The following SPAG16 variants were observed in gnomAD, a reference collection of about 807,000 sequenced individuals.
The protein encoded by SPAG16 is sperm-associated antigen 16 protein.
A neutral mutation model predicts 80.4 loss-of-function variants in SPAG16; 86 were observed. That is an observed-to-expected ratio of 1.07 (90% CI 0.90 to 1.28). The LOEUF (loss-of-function observed/expected upper bound fraction) is 1.28, where lower values mean the gene tolerates loss of function less well. SPAG16 is among the 50% of genes most tolerant of loss of function. SPAG16 has a pLI of 0.00. For synonymous variants in SPAG16, 294 were observed against 265.9 expected (o/e 1.11, Z -1.03); for missense variants, 870 against 765.3 (o/e 1.14, Z -1.61).
chr2:213,664,540 G>A (rs1283678332), intron 10 of SPAG16, among the ~76,000 whole-genome samples: 3 of 152,058 alleles, frequency 2.0e-5, no homozygotes, highest in African/African-American at 7.2e-5. Context: ...CAAGCTCTCT[G>A]AGTTTAAACA....
At chr2:214,392,244 A>G (rs1318399465) in intron 15 of SPAG16, among the ~76,000 whole-genome samples, 1 of 151,896 alleles carries the variant, frequency 6.6e-6, no homozygotes, top group African/African-American at 2.4e-5. Context: ...GCTCACTACA[A>G]CCTCTGCCTC....
intron 13 of SPAG16, among the ~76,000 whole-genome samples, chr2:214,045,224 G>A (rs748516120): frequency 9.9e-5 from 15 of 152,252 alleles, no homozygotes; most frequent in Middle Eastern, 3.4e-3. Context: ...ATAGGGCACC[G>A]TAAGAGTTGT....
chr2:214,177,185 C>A (rs2057119940), intron 15 of SPAG16, among the ~76,000 whole-genome samples: 1 of 151,098 alleles, frequency 6.6e-6, no homozygotes, highest in Non-Finnish European at 1.5e-5. Flanking sequence ...CTATTAGACA[C>A]CTAGACCCTA....
At chr2:213,637,213 A>G (rs2062397455) in intron 10 of SPAG16, among the ~76,000 whole-genome samples, 3 of 152,146 alleles carry the variant, frequency 2.0e-5, no homozygotes, top group South Asian at 2.1e-4. Context: ...TGAGATAATC[A>G]TGTGATTTTT....
chr2:213,943,277 G>A (rs1264585796), intron 12 of SPAG16, among the ~76,000 whole-genome samples: 1 of 152,128 alleles, frequency 6.6e-6, no homozygotes, highest in Non-Finnish European at 1.5e-5. Flanking sequence ...GGTAGAGTCT[G>A]GAAAGATTTT....
intron 6 of SPAG16, among the ~76,000 whole-genome samples, chr2:213,349,265 T>G (rs1305453834): frequency 1.3e-5 from 2 of 152,158 alleles, no homozygotes; most frequent in South Asian, 2.1e-4. Flanking sequence ...GATGTCATCT[T>G]AGAAGCTTAA....
intron 15 of SPAG16, among the ~76,000 whole-genome samples, chr2:214,236,182 A>G (rs975335950): frequency 1.3e-5 from 2 of 152,194 alleles, no homozygotes; most frequent in African/African-American, 4.8e-5. Flanking sequence ...AGTACTTGTA[A>G]TTGAAGCTCA....
At chr2:213,430,105 A>G (rs1398642027) in intron 9 of SPAG16, among the ~76,000 whole-genome samples, 1 of 152,244 alleles carries the variant, frequency 6.6e-6, no homozygotes, top group African/African-American at 2.4e-5. Flanking sequence ...GAATCAATTC[A>G]GGATATAAAT....
At chr2:213,912,759 A>G (rs999678461) in intron 11 of SPAG16, among the ~76,000 whole-genome samples, 2 of 152,266 alleles carry the variant, frequency 1.3e-5, no homozygotes, top group Non-Finnish European at 2.9e-5. Flanking sequence ...GCAGACCTGA[A>G]TTGAGAAGCA....
intron 15 of SPAG16, among the ~76,000 whole-genome samples, chr2:214,163,219 ATC>A (rs2056518952): frequency 1.3e-5 from 2 of 151,980 alleles, no homozygotes; most frequent in Non-Finnish European, 2.9e-5. Context: ...CAAATATAAC[ATC>A]TCTTTCATGT....
intron 3 of SPAG16, among the ~76,000 whole-genome samples, chr2:213,301,006 C>T (rs1157372084): frequency 5.3e-5 from 8 of 152,040 alleles, no homozygotes; most frequent in African/African-American, 9.6e-5. Flanking sequence ...CTTAATCTCA[C>T]GAGGGATTAA....
chr2:214,054,055 G>A (rs1052759048), intron 13 of SPAG16, among the ~76,000 whole-genome samples: 1 of 151,822 alleles, frequency 6.6e-6, no homozygotes, highest in East Asian at 1.9e-4. Context: ...CCTCCCTTTT[G>A]TTGGAGGGCA....
At chr2:214,081,370 A>G (rs542159806) in intron 13 of SPAG16, among the ~76,000 whole-genome samples, 15 of 152,182 alleles carry the variant, frequency 9.9e-5, no homozygotes, top group Non-Finnish European at 2.2e-4. Context: ...AGAATTGGGA[A>G]TAATGACACT....
At chr2:213,386,001 C>T (rs1005857607) in intron 9 of SPAG16, among the ~76,000 whole-genome samples, 1 of 152,096 alleles carries the variant, frequency 6.6e-6, no homozygotes, top group Non-Finnish European at 1.5e-5. Context: ...TCATCTACAG[C>T]AATTTATGTT....
At chr2:214,298,533 C>T (rs1451412850) in intron 15 of SPAG16, among the ~76,000 whole-genome samples, 1 of 152,102 alleles carries the variant, frequency 6.6e-6, no homozygotes, top group Non-Finnish European at 1.5e-5. Context: ...AGAAAATTCA[C>T]TATCTTGTAA....
At chr2:213,886,320 A>G (rs1196432421) in intron 11 of SPAG16, among the ~76,000 whole-genome samples, 1 of 152,122 alleles carries the variant, frequency 6.6e-6, no homozygotes, top group African/African-American at 2.4e-5. Flanking sequence ...TCCATGGGGA[A>G]CGGATATTCA....
chr2:213,652,125 A>G (rs1267482601), intron 10 of SPAG16, among the ~76,000 whole-genome samples: 1 of 152,202 alleles, frequency 6.6e-6, no homozygotes, highest in East Asian at 1.9e-4. Flanking sequence ...CAGCATCACC[A>G]CTTATTAGCT....
intron 11 of SPAG16, among the ~76,000 whole-genome samples, chr2:213,869,704 G>A (rs1179600427): frequency 1.4e-5 from 2 of 147,124 alleles, no homozygotes; most frequent in East Asian, 4.1e-4. Context: ...AGAGAAAAGT[G>A]TTAAAAAGAA....
intron 14 of SPAG16, among the ~76,000 whole-genome samples, chr2:214,109,844 AG>A (rs1313510961): frequency 6.6e-6 from 1 of 152,214 alleles, no homozygotes; most frequent in Non-Finnish European, 1.5e-5. Flanking sequence ...ATTATGAAAT[AG>A]AATATAGTTT....
Sources: allele counts gnomAD v4.1 joint callset (sites outside exome capture counted in the v4.1 genomes callset), GRCh38; gene constraint gnomAD v4.1.1; transcripts MANE v1.5; gene names NCBI Gene and HGNC (gene_info 2026-07-23, HGNC 2026-07-21).